Variants in OAS3 observed in about 807,000 individuals in gnomAD.
OAS3 encodes 2'-5'-oligoadenylate synthetase 3.
In OAS3, 107 loss-of-function variants were observed where a neutral mutation model predicts 113.0. That is an observed-to-expected ratio of 0.95 (90% CI 0.81 to 1.11). The LOEUF (loss-of-function observed/expected upper bound fraction) is 1.11. Ranked by LOEUF, OAS3 falls within the 50% of genes most tolerant of loss-of-function variation. The pLI is 0.00. For synonymous variants in OAS3, 552 were observed against 573.6 expected (o/e 0.96, Z 0.54); for missense variants, 1,258 against 1,389.1 (o/e 0.91, Z 1.50).
Position 112,972,913 on chromosome 12 carries a change from T to TG in OAS3, c.*2940_*2941insG, listed in dbSNP as rs762630854. 4.0e-5 allele frequency: 6 copies of TG among 150,146 alleles called. No homozygotes were observed. The highest frequency in any genetic ancestry group is 1.5e-5 in the Non-Finnish European group (1 of 67,522). 9.3% of individuals were successfully genotyped at this position (150,146 alleles called of 1,614,324 possible). ...GTGTGTGTGTGTGTGTGTGTGTGTG[T>TG]TTAATTTTTAAAAAGTTTTTATTGA... is the stretch of plus-strand genomic sequence containing the variant. On this transcript the variant is annotated 3_prime_UTR_variant, in exon 16 of 16. Coordinates refer to ENST00000228928, the MANE Select transcript of OAS3 (RefSeq NM_006187.4).
In OAS3 at chr12:112,938,631, G is replaced by A. The variant is rs199782553; in HGVS notation, c.101G>A (p.Gly34Asp). 974 of 1,607,424 alleles carry A rather than the reference G, an allele frequency of 6.1e-4. No homozygotes were observed. The highest frequency in any genetic ancestry group is 1.7e-3 in the South Asian group (150 of 90,388). ...EFVEKARRAL[G>D]ALAAALRERG... ...GTAGAGAAGGCGCGGCGCGCTCTGGGCGCCCTGGCCGCTGCCCTGAGGGAG... is the reference window on the plus strand; with the variant it reads ...GTAGAGAAGGCGCGGCGCGCTCTGGACGCCCTGGCCGCTGCCCTGAGGGAG... The change falls in exon 1 of 16, where the codon GGC becomes GAC. Residue 34 changes from glycine to aspartate, a missense_variant. Coordinates refer to ENST00000228928, the MANE Select transcript of OAS3 (RefSeq NM_006187.4).
intron 1 of OAS3, 25 bp from the exon 2 acceptor site, chr12:112,941,544 AT>A: frequency 6.2e-7 from 1 of 1,603,894 alleles, no homozygotes; most frequent in Non-Finnish European, 8.5e-7. Context: ...ACAGTATGAA[AT>A]TCTGAGTTAT....
At chr12:112,947,009 C>T in intron 4 of OAS3, 28 bp downstream of exon 4, 1 of 1,585,926 alleles carries the variant, frequency 6.3e-7, no homozygotes, top group Non-Finnish European at 8.7e-7. Context: ...ACCATCTGCT[C>T]TCCTGTCCCG....
Position 112,969,588 on chromosome 12 carries a change from T to C in OAS3, c.3105-20T>C, listed in dbSNP as rs749021566. 1.3e-6 allele frequency: 2 copies of C among 1,587,394 alleles called. No individual in the cohort carries two copies. The highest frequency in any genetic ancestry group is 2.3e-5 in the South Asian group (2 of 86,990). On this transcript the variant is annotated intron_variant, in intron 14 of 15. Coordinates refer to ENST00000228928, the MANE Select transcript of OAS3 (RefSeq NM_006187.4). ...CTAGATGTTGCCAGGAATAAGACTG[T>C]CCCTGGGTGGGAATTGCAGGCCTAT...
intron 4 of OAS3, 40 bp downstream of exon 4, chr12:112,947,021 G>A (rs369368378): frequency 3.2e-6 from 5 of 1,551,644 alleles, no homozygotes; most frequent in African/African-American, 2.7e-5. Context: ...CCTGTCCCGG[G>A]GCCAGGGGGA....
chr12:112,953,684 C>G (rs567967085), intron 7 of OAS3, among the ~76,000 whole-genome samples: 2 of 152,190 alleles, frequency 1.3e-5, no homozygotes, highest in South Asian at 4.2e-4. Context: ...GCCATTCTAA[C>G]TGGTGTGAGA....
chr12:112,942,649 T>C (rs976577079), intron 2 of OAS3, among the ~76,000 whole-genome samples: 1 of 151,574 alleles, frequency 6.6e-6, no homozygotes, highest in African/African-American at 2.4e-5. Flanking sequence ...GCCCAGGCAG[T>C]GGAGGCTGCA....
rs750021567 is a variant in OAS3 at position 112,967,964 on chromosome 12, C to T, written c.2894C>T (p.Ser965Phe). The part of the protein sequence containing the change: ...QCTKISKGRG[S>F]LPPQHGLELL... Reference sequence around the variant, plus strand: ...ACCAAGATCTCCAAGGGGAGAGGCTCCCTACCCCCACAGCACGGGCTGGAA... The same window carrying T: ...ACCAAGATCTCCAAGGGGAGAGGCTTCCTACCCCCACAGCACGGGCTGGAA... Residue 965 changes from serine to phenylalanine, a missense_variant, in exon 14 of 16, where the codon TCC (serine) becomes TTC (phenylalanine). Ser to Phe is a radical substitution (Grantham distance 155, BLOSUM62 -2). Transcript: ENST00000228928. The T allele has an allele frequency of 6.2e-7, 1 of 1,613,916 alleles. No homozygotes were observed. The highest frequency in any genetic ancestry group is 1.1e-5 in the South Asian group (1 of 91,058).
intron 3 of OAS3, chr12:112,945,368 T>C (rs2043718984): frequency 6.5e-6 from 1 of 152,830 alleles, no homozygotes; most frequent in Admixed American, 6.4e-5. Context: ...CTTTGTAAAA[T>C]GACTCTTTCA....
Position 112,946,784 on chromosome 12 carries a change from C to T in OAS3, c.678C>T (p.Val226=), listed in dbSNP as rs2043734331. ...QGLWKETLPP[V]YALELLTIFA... is the part of the protein sequence containing the mutation. ...TGTGGAAGGAGACGCTGCCCCCGGT[C>T]TATGCCCTGGAATTGCTGACCATCT... Residue 226 remains valine (V), a synonymous_variant, in exon 4 of 16, where the codon GTC becomes GTT. Transcript: ENST00000228928. The T allele has an allele frequency of 6.2e-7, 1 of 1,613,142 alleles. No individual in the cohort carries two copies. The highest frequency in any genetic ancestry group is 1.3e-5 in the African/African-American group (1 of 74,928).
rs1226010770 is a variant in OAS3, at chr12:112,941,804, C to G, written c.412C>G (p.Leu138Val). Residue 138 changes from leucine to valine, a missense_variant, in exon 2 of 16, where the codon CTT (leucine) becomes GTT (valine). By Grantham distance (32) the Leu-to-Val change is conservative (BLOSUM62 1). Transcript: ENST00000228928. ...ALQFRLTSVD[L>V]EDWMDVSLVP... ...GCAGTTCCGCCTGACATCCGTAGAT[C>G]TTGAGGACTGGATGGATGTTAGCCT... is the stretch of plus-strand genomic sequence containing the variant. 8.7e-6 allele frequency: 14 copies of G among 1,613,930 alleles called. No homozygotes were observed. Among genetic ancestry groups the G allele is most frequent in the Non-Finnish European group, 1.2e-5 (14 of 1,179,904 alleles).
At chr12:112,968,208 A>G in intron 14 of OAS3, 34 bp downstream of exon 14, 3 of 1,587,640 alleles carry the variant, frequency 1.9e-6, no homozygotes, top group Non-Finnish European at 2.6e-6. Flanking sequence ...CAGAATTTCA[A>G]ACCTGGGATC....
chr12:112,953,190 A>G (rs1167092432), intron 7 of OAS3, among the ~76,000 whole-genome samples: 2 of 147,080 alleles, frequency 1.4e-5, no homozygotes, highest in African/African-American at 5.2e-5. Flanking sequence ...CCCCGTGTCC[A>G]AGTGTTCTCA....
chr12:112,958,843 G>A (rs953508742), intron 7 of OAS3, among the ~76,000 whole-genome samples: 3 of 152,232 alleles, frequency 2.0e-5, no homozygotes, highest in African/African-American at 7.2e-5. Context: ...CAAACTCCAT[G>A]CTGGGAGAAC....
At chr12:112,969,366 G>T (rs2043963319) in intron 14 of OAS3, 1 of 550,624 alleles carries the variant, frequency 1.8e-6, no homozygotes, top group Non-Finnish European at 3.3e-6. Flanking sequence ...GAATAAGGAA[G>T]GGGTAAGCGG....
In OAS3 at chr12:112,967,546, A is replaced by G; in HGVS notation, c.2818A>G (p.Thr940Ala). The G allele has an allele frequency of 6.2e-7, 1 of 1,613,880 alleles. No individual in the cohort carries two copies. Residue 940 changes from threonine to alanine, a missense_variant, in exon 13 of 16, where the codon ACC becomes GCC. Coordinates refer to ENST00000228928, the MANE Select transcript of OAS3 (RefSeq NM_006187.4). ...ACGGGACTTCATCATCTCTCGCCCT[A>G]CCAAGCTGAAGAGCCTGATCCGGCT... ...LQRDFIISRPTKLKSLIRLVK... is the reference protein window; with the variant it reads ...LQRDFIISRPAKLKSLIRLVK...
rs1346838920 is a variant in OAS3 at position 112,963,229 on chromosome 12, C to T, written c.2085-84C>T. The T allele has an allele frequency of 4.2e-6, 6 of 1,427,218 alleles. No homozygotes were observed. In the African/African-American group the frequency reaches 7.1e-5, roughly 17 times the overall value. The allele number at this position is 1,427,218 out of a possible 1,614,324, so 88.4% of individuals were successfully genotyped here. On this transcript the variant is annotated intron_variant, in intron 9 of 15. Transcript: ENST00000228928. This position sits in a 1 kb window ranked among gnomAD's most constrained non-coding sequence, Gnocchi z 4.6. ...TGAGGTCCTGACACTCTTTCCAGCC[C>T]TCACGCCCCTTTTCAGCCCTTCCAC...
rs2043916565 is a variant in OAS3 at position 112,964,427 on chromosome 12, G to A, written c.2403+19G>A. On this transcript the variant is annotated intron_variant, in intron 11 of 15. Transcript: ENST00000228928. ...GGTCAAGGTGAGTCCTCAGAGAGCT[G>A]TAGGCAAGCAGTGTCCTGCAAGCTG... 6 of 1,605,388 alleles carry A rather than the reference G, an allele frequency of 3.7e-6. No individual in the cohort carries two copies. The highest frequency in any genetic ancestry group is 5.1e-6 in the Non-Finnish European group (6 of 1,175,440).
intron 1 of OAS3, among the ~76,000 whole-genome samples, 163 bp from the exon 2 acceptor site, chr12:112,941,407 G>A (rs2043678269): frequency 6.6e-6 from 1 of 152,096 alleles, no homozygotes. Flanking sequence ...TTGAAATCTC[G>A]AGCCTGGCTA....
Sources: gnomAD v4.1 joint callset for allele counts (sites outside exome capture counted in the v4.1 genomes callset) on GRCh38, gnomAD v4.1.1 for gene constraint, Gnocchi (gnomAD v3.1) non-coding constraint, MANE v1.5 for transcripts, NCBI Gene and HGNC (gene_info 2026-07-23, HGNC 2026-07-21) for gene names.